DYM: variants seen among roughly 807,000 people sequenced by gnomAD.
DYM encodes the protein dymeclin.
In DYM, 78 loss-of-function variants were observed where a neutral mutation model predicts 93.1. The ratio of observed to expected loss-of-function variants is 0.84; its 90% confidence interval spans 0.70 to 1.01. The LOEUF (loss-of-function observed/expected upper bound fraction) is 1.01, where lower values mean the gene tolerates loss of function less well. Ranked by LOEUF, DYM falls within the 50% of genes least tolerant of loss-of-function variation. DYM has a pLI of 0.00. For missense variants in DYM, 789 were observed against 845.0 expected, an observed-to-expected ratio of 0.93 and a Z score of 0.82; for synonymous variants, 321 against 319.7, an observed-to-expected ratio of 1.00 and a Z score of -0.04.
At chr18:49,113,559 C>A (rs781414438) in intron 16 of DYM, among the ~76,000 whole-genome samples, 2 of 152,172 alleles carry the variant, frequency 1.3e-5, no homozygotes, top group Non-Finnish European at 2.9e-5. Context: ...CAAAAATAAT[C>A]AACTCTCAAC....
chr18:49,146,182 C>A (rs976556830), intron 15 of DYM, among the ~76,000 whole-genome samples: 4 of 152,000 alleles, frequency 2.6e-5, no homozygotes, highest in East Asian at 1.9e-4. Context: ...ACCACACACA[C>A]AAAAAACCAC....
At chr18:49,445,191 T>C (rs1463961004) in intron 1 of DYM, among the ~76,000 whole-genome samples, 2 of 152,228 alleles carry the variant, frequency 1.3e-5, no homozygotes, top group Non-Finnish European at 2.9e-5. Flanking sequence ...ATCCTTCATT[T>C]TGCCTCTTGG....
chr18:49,446,303 T>C (rs899753976), intron 1 of DYM, among the ~76,000 whole-genome samples: 2 of 152,128 alleles, frequency 1.3e-5, no homozygotes, highest in African/African-American at 4.8e-5. Flanking sequence ...TAAAAGTAAC[T>C]GCCTCTGAAA....
chr18:49,407,470 G>A (rs2071637240), intron 2 of DYM, among the ~76,000 whole-genome samples: 1 of 152,192 alleles, frequency 6.6e-6, no homozygotes, highest in African/African-American at 2.4e-5. Flanking sequence ...CTTCTGGTAA[G>A]GCCTCAGGAA....
chr18:49,093,019 G>A (rs1223888198), intron 17 of DYM, among the ~76,000 whole-genome samples: 2 of 152,210 alleles, frequency 1.3e-5, no homozygotes. Flanking sequence ...TGAGAAGAAG[G>A]AGAGAAATAG....
intron 8 of DYM, among the ~76,000 whole-genome samples, chr18:49,318,526 G>T (rs940118027): frequency 6.6e-6 from 1 of 152,066 alleles, no homozygotes; most frequent in Non-Finnish European, 1.5e-5. Flanking sequence ...GGAGGCTGAG[G>T]CAGGAGAATC....
At chr18:49,181,486 G>GC (rs2145481460) in intron 14 of DYM, among the ~76,000 whole-genome samples, 1 of 152,226 alleles carries the variant, frequency 6.6e-6, no homozygotes, top group East Asian at 1.9e-4. Flanking sequence ...AACCAGAAGT[G>GC]TTTTTAATTT....
At chr18:49,067,933 C>G (rs2076599813) in intron 17 of DYM, among the ~76,000 whole-genome samples, 1 of 151,974 alleles carries the variant, frequency 6.6e-6, no homozygotes, top group South Asian at 2.1e-4. Flanking sequence ...ACCCACCCCT[C>G]CAAAACTGGC....
chr18:49,237,568 G>C (rs1187094157), intron 13 of DYM, among the ~76,000 whole-genome samples: 2 of 152,006 alleles, frequency 1.3e-5, no homozygotes, highest in Non-Finnish European at 2.9e-5. Context: ...TGTTCTTTGA[G>C]TTATTTTTGA....
At chr18:49,300,264 T>C (rs2060835310) in intron 8 of DYM, among the ~76,000 whole-genome samples, 1 of 151,744 alleles carries the variant, frequency 6.6e-6, no homozygotes, top group Admixed American at 6.6e-5. Flanking sequence ...GTTAACAATA[T>C]AGTAACCAAA....
intron 6 of DYM, among the ~76,000 whole-genome samples, chr18:49,355,556 G>T (rs1427019468): frequency 6.6e-6 from 1 of 151,928 alleles, no homozygotes. Flanking sequence ...CACCTACAGG[G>T]AACACTGAAG....
chr18:49,131,457 T>G (rs1449475628), intron 15 of DYM, among the ~76,000 whole-genome samples: 1 of 152,116 alleles, frequency 6.6e-6, no homozygotes, highest in Non-Finnish European at 1.5e-5. Context: ...ACTCCTGAGC[T>G]CAGGCAATCC....
chr18:49,326,921 C>A (rs1037828982), intron 8 of DYM, among the ~76,000 whole-genome samples: 3 of 151,368 alleles, frequency 2.0e-5, no homozygotes, highest in African/African-American at 7.3e-5. Context: ...TCAGGAAATA[C>A]ACATTAAAGT....
chr18:49,242,075 C>G (rs533935126), intron 13 of DYM, among the ~76,000 whole-genome samples: 1 of 152,282 alleles, frequency 6.6e-6, no homozygotes, highest in South Asian at 2.1e-4. Flanking sequence ...TGCTCTCACC[C>G]CACCCCACCA....
intron 2 of DYM, among the ~76,000 whole-genome samples, chr18:49,408,211 C>T (rs2071753072): frequency 6.6e-6 from 1 of 152,106 alleles, no homozygotes; most frequent in Non-Finnish European, 1.5e-5. Flanking sequence ...GCTTTAACTA[C>T]TTAATATGCT....
At chr18:49,082,007 T>G (rs568789942) in intron 17 of DYM, among the ~76,000 whole-genome samples, 2 of 152,350 alleles carry the variant, frequency 1.3e-5, no homozygotes, top group South Asian at 2.1e-4. Context: ...GTTCAGAGTT[T>G]TGGTTTCTAG....
intron 16 of DYM, among the ~76,000 whole-genome samples, chr18:49,099,008 T>C (rs987590573): frequency 6.6e-6 from 1 of 152,176 alleles, no homozygotes; most frequent in African/African-American, 2.4e-5. Flanking sequence ...CCATATGAAA[T>C]GCCAATTTTG....
intron 3 of DYM, among the ~76,000 whole-genome samples, chr18:49,389,822 C>G (rs1391111902): frequency 6.6e-6 from 1 of 152,106 alleles, no homozygotes; most frequent in Non-Finnish European, 1.5e-5. Context: ...AGCCACCACT[C>G]CCAGCTACTT....
chr18:49,058,197 A>G (rs911177459), intron 17 of DYM, among the ~76,000 whole-genome samples: 2 of 152,232 alleles, frequency 1.3e-5, no homozygotes, highest in African/African-American at 2.4e-5. Context: ...CAAGTAAAAC[A>G]TCTGTAGATG....
Sources: gnomAD v4.1 joint callset for allele counts (sites outside exome capture counted in the v4.1 genomes callset) on GRCh38, gnomAD v4.1.1 for gene constraint, MANE v1.5 for transcripts, NCBI Gene and HGNC (gene_info 2026-07-23, HGNC 2026-07-21) for gene names.